CD109: variants seen among roughly 807,000 people sequenced by gnomAD.
CD109 encodes CD109 molecule.
In CD109, 149 loss-of-function variants were observed where a neutral mutation model predicts 165.8. That is an observed-to-expected ratio of 0.90 (90% confidence interval 0.79 to 1.03). The LOEUF (loss-of-function observed/expected upper bound fraction) is 1.03. CD109 is among the 50% of genes least tolerant of loss of function. CD109 has a pLI of 0.00. For missense variants in CD109, 1,712 were observed against 1,677.8 expected, an observed-to-expected ratio of 1.02 and a Z score of -0.36; for synonymous variants, 585 against 592.1, an observed-to-expected ratio of 0.99 and a Z score of 0.18.
chr6:73,702,218 C>G (rs1436543234), intron 2 of CD109, among the ~76,000 whole-genome samples: 4 of 152,030 alleles, frequency 2.6e-5, no homozygotes, highest in Non-Finnish European at 4.4e-5. Flanking sequence ...CCTTTGTTGT[C>G]TTTCTCACAT....
At chr6:73,730,600 AG>A in intron 4 of CD109, 26 bp downstream of exon 4, 1 of 1,466,398 alleles carries the variant, frequency 6.8e-7, no homozygotes, top group Non-Finnish European at 9.5e-7. Context: ...AAATGAAGCA[AG>A]GAATTCTAGC....
chr6:73,765,792 G>C (rs1773814715), intron 10 of CD109, 138 bp from the exon 11 acceptor site: 1 of 634,990 alleles, frequency 1.6e-6, no homozygotes, highest in African/African-American at 1.8e-5. Flanking sequence ...CTCCTAGAGA[G>C]AGGCCACTGA....
intron 15 of CD109, among the ~76,000 whole-genome samples, chr6:73,775,249 A>C (rs1441029125): frequency 6.6e-6 from 1 of 152,134 alleles, no homozygotes; most frequent in Non-Finnish European, 1.5e-5. Flanking sequence ...TATGGAATAC[A>C]TATAGGCAGT....
At chr6:73,803,996 C>T (rs41266753) in intron 24 of CD109, 17,309 of 152,248 alleles carry the variant, frequency 0.11, 1,204 homozygotes, top group Non-Finnish European at 0.16. Context: ...AACGTGTCCA[C>T]GTCTCCAAAA....
chr6:73,704,061 T>G (rs1177187303), intron 2 of CD109, among the ~76,000 whole-genome samples: 1 of 151,338 alleles, frequency 6.6e-6, no homozygotes. Context: ...GGTGGGCGCC[T>G]ATAGTCCCAG....
In CD109 at chr6:73,810,184, G is replaced by A; in HGVS notation, c.3546+10G>A. On this transcript the variant is annotated intron_variant, in intron 27 of 32. Transcript: ENST00000287097. ...TTTTGCATCTACTCAGGTGAGAGAT[G>A]ATAGTTTTTTCCCTTTAAACTATAA... The A allele has an allele frequency of 6.7e-7, 1 of 1,492,318 alleles. No individual in the cohort carries two copies. The highest frequency in any genetic ancestry group is 8.9e-7 in the Non-Finnish European group (1 of 1,118,824). The allele number at this position is 1,492,318 out of a possible 1,614,324, so 92.4% of individuals were successfully genotyped here.
chr6:73,784,730 C>T (rs567460407), intron 19 of CD109, among the ~76,000 whole-genome samples: 1 of 152,286 alleles, frequency 6.6e-6, no homozygotes, highest in Admixed American at 6.5e-5. Context: ...AGAATTGGGT[C>T]ACTGAGGAGG....
chr6:73,726,504 C>T lies in CD109; in HGVS notation c.276+3225C>T, dbSNP rs549458734. 1.9e-4 allele frequency among the ~76,000 whole-genome samples: 29 copies of T among 152,100 alleles called. No individual in the cohort carries two copies. In the South Asian group the frequency reaches 4.6e-3, roughly 24 times the overall value. ...CAATTTTATTTTGAAAAATTGTCTCCGTTATGTTTGGTAACTGGCATTATT... is the reference window on the plus strand; with the variant it reads ...CAATTTTATTTTGAAAAATTGTCTCTGTTATGTTTGGTAACTGGCATTATT... On this transcript the variant is annotated intron_variant, in intron 3 of 32. Coordinates refer to ENST00000287097, the MANE Select transcript of CD109 (RefSeq NM_133493.5).
chr6:73,758,224 T>C (rs1773472314), intron 6 of CD109, among the ~76,000 whole-genome samples: 1 of 152,128 alleles, frequency 6.6e-6, no homozygotes. Context: ...CTTATGTTAA[T>C]TGAATGGTGA....
At chr6:73,679,513 G>T in the CD109 span, among the ~76,000 whole-genome samples, 2 of 151,320 alleles carry the variant, frequency 1.3e-5, no homozygotes, top group East Asian at 3.9e-4. Context: ...ATTTTATCAA[G>T]CAGGGAAAGG....
intron 24 of CD109, among the ~76,000 whole-genome samples, chr6:73,805,389 G>T (rs1004357355): frequency 6.6e-6 from 1 of 152,158 alleles, no homozygotes; most frequent in East Asian, 1.9e-4. Flanking sequence ...ATTGCTGCCC[G>T]CATGTCCCAC....
At chr6:73,772,417 A>G (rs373033376) in intron 15 of CD109, among the ~76,000 whole-genome samples, 221 of 150,620 alleles carry the variant, frequency 1.5e-3, no homozygotes, top group African/African-American at 5.1e-3. Context: ...AGGCAGGAGA[A>G]TGGCATGAAT....
intron 5 of CD109, among the ~76,000 whole-genome samples, chr6:73,748,907 A>G (rs1296870676): frequency 6.6e-6 from 1 of 152,180 alleles, no homozygotes; most frequent in East Asian, 1.9e-4. Flanking sequence ...ATCAGCTGAC[A>G]CTTTTACAGG....
At chr6:73,763,488 G>A in intron 9 of CD109, 88 bp from the exon 10 acceptor site, 1 of 678,102 alleles carries the variant, frequency 1.5e-6, no homozygotes, top group Non-Finnish European at 2.5e-6. Flanking sequence ...AACCCTTTTT[G>A]CAATAGGTTA....
chr6:73,802,668 ATTTAC>A (rs1320624551), intron 23 of CD109, among the ~76,000 whole-genome samples: 2 of 147,038 alleles, frequency 1.4e-5, no homozygotes, highest in African/African-American at 5.0e-5. Context: ...TGATCTTTTA[ATTTAC>A]TTTAATTTGG....
At chr6:73,771,323 A>C (rs1774025183) in intron 14 of CD109, 106 bp from the exon 15 acceptor site, 1 of 851,744 alleles carries the variant, frequency 1.2e-6, no homozygotes. Flanking sequence ...CCCTGAGCCA[A>C]GGCAAATGTA....
At chr6:73,764,055 A>G (rs1199697385) in intron 10 of CD109, among the ~76,000 whole-genome samples, 2 of 152,232 alleles carry the variant, frequency 1.3e-5, no homozygotes, top group Non-Finnish European at 2.9e-5. Flanking sequence ...AAGATGTTAC[A>G]TTAAAAAATT....
intron 21 of CD109, 134 bp downstream of exon 21, chr6:73,787,586 C>T (rs1774745517): frequency 6.4e-6 from 4 of 623,152 alleles, no homozygotes; most frequent in African/African-American, 1.9e-5. Flanking sequence ...AATGCCTAAT[C>T]ACTTTCTAAT....
At chr6:73,711,178 A>T (rs1771524185) in intron 2 of CD109, among the ~76,000 whole-genome samples, 1 of 152,112 alleles carries the variant, frequency 6.6e-6, no homozygotes, top group African/African-American at 2.4e-5. Flanking sequence ...ATTTGTACTT[A>T]ACCTAACATT....
Sources: gnomAD v4.1 joint callset for allele counts (sites outside exome capture counted in the v4.1 genomes callset) on GRCh38, gnomAD v4.1.1 for gene constraint, MANE v1.5 for transcripts, NCBI Gene and HGNC (gene_info 2026-07-23, HGNC 2026-07-21) for gene names.